Variants in TAPT1 observed in about 807,000 individuals in gnomAD.
The protein encoded by TAPT1 is transmembrane anterior posterior transformation protein 1 homolog.
TAPT1 carries 28 observed loss-of-function variants against 65.6 expected under a neutral mutation model. The observed-to-expected ratio is 0.43, with a 90% CI of 0.32 to 0.59. TAPT1 has a LOEUF of 0.59. Ranked by LOEUF, TAPT1 falls within the 20% of genes least tolerant of loss-of-function variation. The pLI is 0.09. For synonymous variants in TAPT1, 278 were observed against 245.2 expected, an observed-to-expected ratio of 1.13 and a Z score of -1.25; for missense variants, 563 against 679.9, an observed-to-expected ratio of 0.83 and a Z score of 1.91.
chr4:16,201,435 A>G (rs1254098393), intron 3 of TAPT1, among the ~76,000 whole-genome samples: 1 of 152,226 alleles, frequency 6.6e-6, no homozygotes, highest in Non-Finnish European at 1.5e-5. Context: ...ATTATTGTCC[A>G]TTTTAGCATT....
Position 16,173,860 on chromosome 4 carries a change from C to T in TAPT1, c.1236+344G>A, listed in dbSNP as rs139624599. 1.6e-3 allele frequency among the ~76,000 whole-genome samples: 238 copies of T among 152,320 alleles called. 1 individual carries two copies. Among genetic ancestry groups the T allele is most frequent in the African/African-American group, 5.3e-3 (221 of 41,560 alleles). ...TGTAGAAACACTGGATTAATTTATA[C>T]TTCCACCAATATGTGTTGCAGTGGC... On this transcript the variant is annotated intron_variant, in intron 11 of 13. Transcript: ENST00000405303.
chr4:16,184,693 C>A (rs1748900788), intron 7 of TAPT1, among the ~76,000 whole-genome samples: 1 of 152,184 alleles, frequency 6.6e-6, no homozygotes. Flanking sequence ...ATGGCTTTGT[C>A]TTTCTCCAGT....
At position 16,179,673 on chromosome 4, in the gene TAPT1, T is replaced by A; in HGVS notation, c.917-16A>T. 2 of 1,366,486 alleles carry A rather than the reference T, an allele frequency of 1.5e-6. No individual in the cohort carries two copies. The highest frequency in any genetic ancestry group is 2.0e-6 in the Non-Finnish European group (2 of 993,570). The allele number at this position is 1,366,486 out of a possible 1,614,324, so 84.6% of individuals were successfully genotyped here. On this transcript the variant is annotated splice_polypyrimidine_tract_variant and intron_variant, in intron 7 of 13. Coordinates refer to ENST00000405303, the MANE Select transcript of TAPT1 (RefSeq NM_153365.3). ...TCCTTAATATCTAAAAGAAAAAAAATCAACATAAGTACTGTAGTGTATATA... is the reference window on the plus strand; with the variant it reads ...TCCTTAATATCTAAAAGAAAAAAAAACAACATAAGTACTGTAGTGTATATA...
At chr4:16,196,946 T>C (rs1368567844) in intron 3 of TAPT1, among the ~76,000 whole-genome samples, 1 of 152,230 alleles carries the variant, frequency 6.6e-6, no homozygotes, top group African/African-American at 2.4e-5. Flanking sequence ...TCCCTACTTG[T>C]GCTACAGTGG....
intron 11 of TAPT1, among the ~76,000 whole-genome samples, 169 bp downstream of exon 11, chr4:16,174,035 T>C (rs1748170213): frequency 6.6e-6 from 1 of 152,224 alleles, no homozygotes; most frequent in Non-Finnish European, 1.5e-5. Context: ...CAATAGATAT[T>C]TGGATATATA....
At chr4:16,211,163 C>T (rs750490845) in intron 2 of TAPT1, among the ~76,000 whole-genome samples, 25 of 150,656 alleles carry the variant, frequency 1.7e-4, no homozygotes, top group Non-Finnish European at 2.2e-4. Flanking sequence ...AAGCAAAGTG[C>T]GCTTTAATTT....
In TAPT1 at chr4:16,179,647, T is replaced by C. The variant is rs778238196; in HGVS notation, c.927A>G (p.Glu309=). 2 of 1,531,820 alleles carry C rather than the reference T, an allele frequency of 1.3e-6. No individual in the cohort carries two copies. The highest frequency in any genetic ancestry group is 1.8e-6 in the Non-Finnish European group (2 of 1,138,488). The allele number at this position is 1,531,820 out of a possible 1,614,324, so 94.9% of individuals were successfully genotyped here. A position where few individuals can be genotyped will look rare whatever the true frequency, so the allele number is the denominator to read the frequency against. Reference sequence around the variant, plus strand: ...GTAAAAGCACATAATTTGTGAATCGTTCCTTAATATCTAAAAGAAAAAAAA... The same window carrying C: ...GTAAAAGCACATAATTTGTGAATCGCTCCTTAATATCTAAAAGAAAAAAAA... ...LFQMSNSDIK[E]RFTNYVLLLI... is the part of the protein sequence containing the mutation. Residue 309 remains glutamate (E), a synonymous_variant, in exon 8 of 14, where the codon GAA becomes GAG. Coordinates refer to ENST00000405303, the MANE Select transcript of TAPT1 (RefSeq NM_153365.3).
chr4:16,175,800 T>C (rs919047770), intron 9 of TAPT1, among the ~76,000 whole-genome samples: 1 of 152,204 alleles, frequency 6.6e-6, no homozygotes, highest in African/African-American at 2.4e-5. Flanking sequence ...AAAATTTTGA[T>C]GGTCTAAGTT....
intron 8 of TAPT1, 113 bp from the exon 9 acceptor site, chr4:16,176,341 AATG>A: frequency 1.7e-6 from 1 of 580,618 alleles, no homozygotes; most frequent in Non-Finnish European, 3.0e-6. Flanking sequence ...ATTTTCAGTA[AATG>A]ATGAACTAGC....
intron 11 of TAPT1, among the ~76,000 whole-genome samples, chr4:16,172,669 C>G (rs2149672599): frequency 6.6e-6 from 1 of 152,204 alleles, no homozygotes; most frequent in Middle Eastern, 3.4e-3. Context: ...CATCTGTCAT[C>G]TAAAAAAAAG....
intron 3 of TAPT1, among the ~76,000 whole-genome samples, chr4:16,194,314 T>C (rs1317299968): frequency 6.6e-6 from 1 of 152,220 alleles, no homozygotes; most frequent in Admixed American, 6.5e-5. Context: ...GTGTTCACAA[T>C]AATCCTATTT....
intron 3 of TAPT1, among the ~76,000 whole-genome samples, chr4:16,195,122 A>G (rs1749624233): frequency 6.6e-6 from 1 of 152,244 alleles, no homozygotes; most frequent in Non-Finnish European, 1.5e-5. Flanking sequence ...CTTAAAAGAC[A>G]GCTGTATGTA....
intron 1 of TAPT1, among the ~76,000 whole-genome samples, chr4:16,224,373 C>G (rs1751430008): frequency 6.6e-6 from 1 of 152,154 alleles, no homozygotes; most frequent in Non-Finnish European, 1.5e-5. Flanking sequence ...GTTATCGGAG[C>G]TACAGACTGG....
chr4:16,182,551 A>T (rs968100029), intron 7 of TAPT1, among the ~76,000 whole-genome samples: 1 of 152,244 alleles, frequency 6.6e-6, no homozygotes, highest in African/African-American at 2.4e-5. Flanking sequence ...TTAAATATAA[A>T]ATGAGTGACT....
intron 9 of TAPT1, among the ~76,000 whole-genome samples, chr4:16,175,213 A>C (rs1397621564): frequency 6.6e-6 from 1 of 152,184 alleles, no homozygotes; most frequent in African/African-American, 2.4e-5. Context: ...TAAAAAGTGC[A>C]CAAGTGTCTC....
At chr4:16,226,535 G>T, upstream of TAPT1, 2 of 903,266 alleles carry the variant, frequency 2.2e-6, no homozygotes, top group Non-Finnish European at 2.7e-6. Flanking sequence ...GCCTCGCCCC[G>T]CCCCTCGCCG....
chr4:16,225,096 TA>T (rs1751467143), intron 1 of TAPT1, among the ~76,000 whole-genome samples: 1 of 152,212 alleles, frequency 6.6e-6, no homozygotes, highest in African/African-American at 2.4e-5. Flanking sequence ...AACTGAGAAC[TA>T]AACCAAATAA....
chr4:16,178,881 C>G (rs1748522667), intron 8 of TAPT1: 1 of 152,170 alleles, frequency 6.6e-6, no homozygotes, highest in Non-Finnish European at 1.5e-5. Context: ...TGGTTAACCC[C>G]TAAGATGAAA....
At chr4:16,183,599 C>T (rs1748839901) in intron 7 of TAPT1, among the ~76,000 whole-genome samples, 1 of 152,074 alleles carries the variant, frequency 6.6e-6, no homozygotes, top group African/African-American at 2.4e-5. Context: ...GATTGAAAAC[C>T]TTTAAAACTT....
Sources: allele counts gnomAD v4.1 joint callset (sites outside exome capture counted in the v4.1 genomes callset), GRCh38; gene constraint gnomAD v4.1.1; transcripts MANE v1.5; gene names NCBI Gene and HGNC (gene_info 2026-07-23, HGNC 2026-07-21).